The following ADAMTS12 variants were observed in gnomAD, a reference collection of about 807,000 sequenced individuals.
The protein encoded by ADAMTS12 is A disintegrin and metalloproteinase with thrombospondin motifs 12.
A neutral mutation model predicts 167.8 loss-of-function variants in ADAMTS12; 118 were observed. The observed-to-expected ratio is 0.70, with a 90% CI of 0.61 to 0.82. The LOEUF is 0.82. Among genes scored for constraint, ADAMTS12 ranks in the 40% least tolerant of loss-of-function variants. The pLI, the probability that ADAMTS12 is intolerant of heterozygous loss-of-function variation, is 0.00. For missense variants in ADAMTS12, 1,916 were observed against 1,998.8 expected (o/e 0.96, Z 0.79); for synonymous variants, 704 against 716.9 (o/e 0.98, Z 0.29).
At chr5:33,626,645 G>A (rs1003639875) in intron 13 of ADAMTS12, among the ~76,000 whole-genome samples, 4 of 145,222 alleles carry the variant, frequency 2.8e-5, no homozygotes, top group African/African-American at 9.8e-5. Context: ...TGATGATGGT[G>A]TTGGTGGTGA....
chr5:33,890,705 G>A (rs116293853), intron 1 of ADAMTS12, among the ~76,000 whole-genome samples: 32 of 152,284 alleles, frequency 2.1e-4, no homozygotes, highest in African/African-American at 7.5e-4. Context: ...ATGCGTGTGG[G>A]TGCATATGCG....
rs531501432 is a variant in ADAMTS12, at chr5:33,768,665, T to C, written c.490-17117A>G. Among the ~76,000 whole-genome samples, 3 of 152,280 alleles carry C rather than the reference T, an allele frequency of 2.0e-5. No homozygotes were observed. The East Asian group carries it at 5.8e-4, about 29-fold the overall frequency. ...TTTTTAATGTCCATGTCTTTTATAG[T>C]AGTTGTGGGTTTTAGCTATAATTTA... On this transcript the variant is annotated intron_variant, in intron 2 of 23. Transcript: ENST00000504830.
intron 2 of ADAMTS12, among the ~76,000 whole-genome samples, chr5:33,871,354 G>A (rs932337823): frequency 4.6e-5 from 7 of 152,068 alleles, no homozygotes; most frequent in African/African-American, 1.7e-4. Context: ...ATTTTATAAA[G>A]CTAATATTAC....
At chr5:33,562,634 AT>A (rs201008805) in intron 19 of ADAMTS12, among the ~76,000 whole-genome samples, 8,461 of 142,416 alleles carry the variant, frequency 0.059, 403 homozygotes, top group East Asian at 0.27. Context: ...TCTCCATATA[AT>A]TTTTTTTTTT....
chr5:33,852,942 A>G (rs954557346), intron 2 of ADAMTS12, among the ~76,000 whole-genome samples: 1 of 152,166 alleles, frequency 6.6e-6, no homozygotes, highest in Non-Finnish European at 1.5e-5. Flanking sequence ...ATCCCCATTC[A>G]TTTAGTCAGG....
At chr5:33,599,161 CA>C (rs1738059815) in intron 16 of ADAMTS12, among the ~76,000 whole-genome samples, 1 of 152,202 alleles carries the variant, frequency 6.6e-6, no homozygotes, top group Non-Finnish European at 1.5e-5. Flanking sequence ...ACAGCATACC[CA>C]ATGTGTCCTG....
At chr5:33,738,157 G>A (rs1744434541) in intron 3 of ADAMTS12, among the ~76,000 whole-genome samples, 2 of 152,162 alleles carry the variant, frequency 1.3e-5, no homozygotes, top group Non-Finnish European at 2.9e-5. Context: ...AAGTGTGTGG[G>A]ATGGGGCTAC....
chr5:33,578,390 T>C (rs143237061), intron 18 of ADAMTS12, among the ~76,000 whole-genome samples: 4 of 152,322 alleles, frequency 2.6e-5, no homozygotes, highest in African/African-American at 9.6e-5. Flanking sequence ...AGAATAAGCA[T>C]TAGATTTATT....
At chr5:33,655,471 C>T (rs985698761) in intron 7 of ADAMTS12, among the ~76,000 whole-genome samples, 3 of 152,074 alleles carry the variant, frequency 2.0e-5, no homozygotes, top group Non-Finnish European at 2.9e-5. Context: ...GGTTCAACTG[C>T]TCAGAGTGGA....
chr5:33,567,312 T>C (rs932778748), intron 19 of ADAMTS12, among the ~76,000 whole-genome samples: 5 of 152,236 alleles, frequency 3.3e-5, no homozygotes, highest in Non-Finnish European at 5.9e-5. Flanking sequence ...TCAGACCTTA[T>C]TGCCATTAAC....
intron 2 of ADAMTS12, among the ~76,000 whole-genome samples, chr5:33,827,394 C>T (rs1748119594): frequency 6.6e-6 from 1 of 152,026 alleles, no homozygotes; most frequent in Non-Finnish European, 1.5e-5. Flanking sequence ...GACTTCTCCC[C>T]ACAGTCTCTA....
intron 2 of ADAMTS12, among the ~76,000 whole-genome samples, chr5:33,813,447 A>C (rs933436511): frequency 2.0e-5 from 3 of 152,208 alleles, no homozygotes; most frequent in Admixed American, 6.5e-5. Flanking sequence ...GATGGCTACA[A>C]GTTCTTTGCA....
chr5:33,534,888 T>C lies in ADAMTS12; in HGVS notation c.4551A>G (p.Lys1517=), dbSNP rs751302924. Residue 1517 remains lysine, a synonymous_variant, in exon 23 of 24, where the codon AAA becomes AAG. Transcript: ENST00000504830. ...ATTTTTTGAATTCTGGAGGTCTGGG[T>C]TTGTGATCACATAGACATTGGTCTT... is the stretch of plus-strand genomic sequence containing the variant. ...EDQDQCLCDH[K]PRPPEFKKCN... 5.6e-6 allele frequency: 9 copies of C among 1,614,092 alleles called. No homozygotes were observed. The highest frequency in any genetic ancestry group is 7.6e-6 in the Non-Finnish European group (9 of 1,180,016).
chr5:33,693,665 C>T (rs796071587), intron 3 of ADAMTS12, among the ~76,000 whole-genome samples: 1 of 146,120 alleles, frequency 6.8e-6, no homozygotes, highest in Non-Finnish European at 1.5e-5. Flanking sequence ...AAGGAACATA[C>T]CTCACAATAT....
intron 19 of ADAMTS12, among the ~76,000 whole-genome samples, chr5:33,563,073 T>C (rs1745825808): frequency 2.6e-5 from 4 of 152,244 alleles, no homozygotes. Flanking sequence ...TACATCATCT[T>C]TTCCAAGTGA....
chr5:33,847,304 A>G (rs1748981162), intron 2 of ADAMTS12, among the ~76,000 whole-genome samples: 1 of 152,178 alleles, frequency 6.6e-6, no homozygotes, highest in Admixed American at 6.5e-5. Context: ...CCACATGTTC[A>G]CTGCCCACAG....
intron 21 of ADAMTS12, among the ~76,000 whole-genome samples, 185 bp from the exon 22 acceptor site, chr5:33,546,387 G>A (rs1179717164): frequency 1.3e-5 from 2 of 151,596 alleles, no homozygotes; most frequent in African/African-American, 2.4e-5. Context: ...AAAAAAAAAA[G>A]GGGGGGAAAC....
chr5:33,822,906 G>A (rs1335905561), intron 2 of ADAMTS12, among the ~76,000 whole-genome samples: 1 of 151,894 alleles, frequency 6.6e-6, no homozygotes, highest in Non-Finnish European at 1.5e-5. Context: ...TGGCAACTTG[G>A]CAAGACTCCA....
chr5:33,721,840 T>C (rs1380137840), intron 3 of ADAMTS12, among the ~76,000 whole-genome samples: 1 of 152,206 alleles, frequency 6.6e-6, no homozygotes, highest in Non-Finnish European at 1.5e-5. Flanking sequence ...CAGCCTGCCA[T>C]CTCACATGGA....
Sources: allele counts gnomAD v4.1 joint callset (sites outside exome capture counted in the v4.1 genomes callset), GRCh38; gene constraint gnomAD v4.1.1; transcripts MANE v1.5; gene names NCBI Gene and HGNC (gene_info 2026-07-23, HGNC 2026-07-21).